The following CCDC149 variants were observed in gnomAD, a reference collection of about 807,000 sequenced individuals.
CCDC149 encodes the protein coiled-coil domain-containing protein 149.
A neutral mutation model predicts 59.9 loss-of-function variants in CCDC149; 45 were observed. That is an observed-to-expected ratio of 0.75 (90% confidence interval 0.59 to 0.96). The LOEUF (loss-of-function observed/expected upper bound fraction) is 0.96. Among genes scored for constraint, CCDC149 ranks in the 40% least tolerant of loss-of-function variants. CCDC149 has a pLI of 0.00. For synonymous variants in CCDC149, 245 were observed against 260.6 expected, an observed-to-expected ratio of 0.94 and a Z score of 0.58; for missense variants, 584 against 664.7, an observed-to-expected ratio of 0.88 and a Z score of 1.33.
chr4:24,833,432 T>A (rs1232754672), intron 8 of CCDC149, among the ~76,000 whole-genome samples: 1 of 152,144 alleles, frequency 6.6e-6, no homozygotes, highest in African/African-American at 2.4e-5. Context: ...GAGCTCAGCC[T>A]GGCCAACACA....
chr4:24,852,287 T>TAC (rs768071017), intron 4 of CCDC149, among the ~76,000 whole-genome samples: 30,896 of 120,698 alleles, frequency 0.26, 3,834 homozygotes, highest in Middle Eastern at 0.45. Context: ...CAACACACCA[T>TAC]ACACACACAC....
intron 4 of CCDC149, among the ~76,000 whole-genome samples, chr4:24,838,985 A>G (rs1460632629): frequency 6.6e-6 from 1 of 151,082 alleles, no homozygotes; most frequent in East Asian, 2.0e-4. Flanking sequence ...CAGTATGACT[A>G]AAATTATACT....
At chr4:24,852,289 CA>C in intron 4 of CCDC149, among the ~76,000 whole-genome samples, 1 of 60,676 alleles carries the variant, frequency 1.6e-5, no homozygotes, top group South Asian at 7.7e-4. Flanking sequence ...ACACACCATA[CA>C]CACACACACA....
chr4:24,894,841 T>A (rs1196330056), intron 1 of CCDC149: 1 of 941,726 alleles, frequency 1.1e-6, no homozygotes, highest in Non-Finnish European at 1.5e-6. Context: ...AGAAAAAAAA[T>A]CTCAAAGTCG....
intron 1 of CCDC149, among the ~76,000 whole-genome samples, chr4:24,911,694 C>T (rs560165163): frequency 6.6e-6 from 1 of 152,276 alleles, no homozygotes; most frequent in East Asian, 1.9e-4. Context: ...GCAAACTAAA[C>T]TAGGGCAGGA....
At chr4:24,863,917 A>T (rs1240549613) in intron 3 of CCDC149, among the ~76,000 whole-genome samples, 1 of 152,244 alleles carries the variant, frequency 6.6e-6, no homozygotes, top group Non-Finnish European at 1.5e-5. Context: ...GGTAAGGATG[A>T]CCCAAATGCA....
At chr4:24,913,328 C>T (rs1301414759), upstream of CCDC149, among the ~76,000 whole-genome samples, 1 of 152,194 alleles carries the variant, frequency 6.6e-6, no homozygotes, top group Admixed American at 6.5e-5. Context: ...ACGACTCCCA[C>T]GCCTAGAATG....
At chr4:24,834,054 C>T (rs1452380673) in intron 8 of CCDC149, among the ~76,000 whole-genome samples, 2 of 152,200 alleles carry the variant, frequency 1.3e-5, no homozygotes, top group Admixed American at 1.3e-4. Flanking sequence ...GGCTACTTCA[C>T]ATTTTTATAG....
At chr4:24,936,527 A>G (rs1167218657) in intron 1 of CCDC149, among the ~76,000 whole-genome samples, 1 of 152,228 alleles carries the variant, frequency 6.6e-6, no homozygotes, top group Admixed American at 6.5e-5. Flanking sequence ...TACCATATCT[A>G]TCACTTTAAA....
At chr4:24,941,596 A>T (rs1722955195) in intron 1 of CCDC149, among the ~76,000 whole-genome samples, 1 of 152,214 alleles carries the variant, frequency 6.6e-6, no homozygotes, top group Non-Finnish European at 1.5e-5. Flanking sequence ...CAAAAAATCA[A>T]TGAATCCAGG....
At position 24,808,652 on chromosome 4, in the gene CCDC149, C is replaced by T. The variant is rs1175243982; in HGVS notation, c.1360G>A (p.Val454Ile). 15 of 1,552,420 alleles carry T rather than the reference C, an allele frequency of 9.7e-6. No individual in the cohort carries two copies. The highest frequency in any genetic ancestry group is 1.3e-5 in the Non-Finnish European group (15 of 1,147,154). ...ATTATTTCCCTCCCAAGGCTGTTTACTTCTTCCTCAGAAGGTAACTGGGGT... is the reference window on the plus strand; with the variant it reads ...ATTATTTCCCTCCCAAGGCTGTTTATTTCTTCCTCAGAAGGTAACTGGGGT... Residue 454 changes from valine (V) to isoleucine (I), a missense_variant, in exon 13 of 13, where the codon GTA becomes ATA. Val to Ile is a conservative substitution (Grantham distance 29, BLOSUM62 3). Transcript: ENST00000635206.
chr4:24,825,843 T>C (rs1371114293), intron 9 of CCDC149, among the ~76,000 whole-genome samples: 1 of 151,798 alleles, frequency 6.6e-6, no homozygotes, highest in Non-Finnish European at 1.5e-5. Flanking sequence ...GGAAGACGAA[T>C]CTACAGAGAC....
intron 1 of CCDC149, among the ~76,000 whole-genome samples, chr4:24,977,337 T>G (rs1237151514): frequency 1.3e-5 from 2 of 152,172 alleles, no homozygotes; most frequent in Non-Finnish European, 2.9e-5. Context: ...TAAGATCTAC[T>G]AAGCACAGAC....
chr4:24,836,423 A>C lies in CCDC149; in HGVS notation c.735+13T>G, dbSNP rs776163914. 6.4e-7 allele frequency: 1 copy of C among 1,565,554 alleles called. No individual in the cohort carries two copies. The highest frequency in any genetic ancestry group is 1.7e-5 in the Admixed American group (1 of 59,774). On this transcript the variant is annotated intron_variant, in intron 7 of 12. Transcript: ENST00000635206. ...ATAGTCAATCACCATCACTGTCATCATGATTTTGCTACCTTGTATTTGGCA... is the reference window on the plus strand; with the variant it reads ...ATAGTCAATCACCATCACTGTCATCCTGATTTTGCTACCTTGTATTTGGCA...
Position 24,806,843 on chromosome 4 carries a change from C to T in CCDC149, c.*1546G>A, listed in dbSNP as rs1714214237. 2 of 153,278 alleles carry T rather than the reference C, an allele frequency of 1.3e-5. No homozygotes were observed. Among genetic ancestry groups the T allele is most frequent in the Non-Finnish European group, 2.9e-5 (2 of 68,058 alleles). The allele number at this position is 153,278 out of a possible 1,614,324, so 9.5% of individuals were successfully genotyped here. A position where few individuals can be genotyped will look rare whatever the true frequency, so the allele number is the denominator to read the frequency against. On this transcript the variant is annotated 3_prime_UTR_variant, in exon 13 of 13. Transcript: ENST00000635206. ...TCAACTAAAGTAGTGGGAGACCCAC[C>T]CAATGTGCATCAAAGGCCTGGGTCC...
chr4:24,876,485 T>G (rs750451734), intron 2 of CCDC149, 51 bp downstream of exon 2: 3 of 1,534,644 alleles, frequency 2.0e-6, no homozygotes, highest in Non-Finnish European at 1.8e-6. Context: ...TCTCTTTATA[T>G]CTTAATTCAG....
intron 3 of CCDC149, among the ~76,000 whole-genome samples, chr4:24,871,938 A>T (rs1719070129): frequency 6.6e-6 from 1 of 152,236 alleles, no homozygotes; most frequent in Non-Finnish European, 1.5e-5. Flanking sequence ...TAAATTTAAC[A>T]AAACCCCTAT....
chr4:24,836,050 G>A (rs1022645391), intron 7 of CCDC149, among the ~76,000 whole-genome samples: 2 of 152,188 alleles, frequency 1.3e-5, no homozygotes, highest in African/African-American at 4.8e-5. Context: ...TTTCTTATGG[G>A]TGATTACGAC....
chr4:24,896,523 T>C (rs1720854852), intron 1 of CCDC149, among the ~76,000 whole-genome samples: 1 of 152,218 alleles, frequency 6.6e-6, no homozygotes, highest in African/African-American at 2.4e-5. Flanking sequence ...GCCTGGTGTA[T>C]GTTCAGACAC....
Sources: gnomAD v4.1 joint callset for allele counts (sites outside exome capture counted in the v4.1 genomes callset) on GRCh38, gnomAD v4.1.1 for gene constraint, MANE v1.5 for transcripts, NCBI Gene and HGNC (gene_info 2026-07-23, HGNC 2026-07-21) for gene names.